Variants in NEMP2 observed in about 807,000 individuals in gnomAD.
NEMP2 encodes UPF0571 transmembrane protein.
In NEMP2, 53 loss-of-function variants were observed where a neutral mutation model predicts 54.2. That is an observed-to-expected ratio of 0.98 (90% CI 0.78 to 1.23). The LOEUF (loss-of-function observed/expected upper bound fraction) is 1.23, where lower values mean the gene tolerates loss of function less well. NEMP2 is among the 50% of genes most tolerant of loss of function. NEMP2 has a pLI of 0.00. For synonymous variants in NEMP2, 197 were observed against 190.3 expected, an observed-to-expected ratio of 1.04 and a Z score of -0.29; for missense variants, 455 against 511.3, an observed-to-expected ratio of 0.89 and a Z score of 1.06.
chr2:190,602,362 C>A, the NEMP2 span, among the ~76,000 whole-genome samples: 3 of 152,198 alleles, frequency 2.0e-5, 1 homozygote, highest in East Asian at 5.8e-4. Context: ...GAGGAGAATT[C>A]CTTCTTCTTT....
the NEMP2 span, among the ~76,000 whole-genome samples, chr2:190,430,153 A>C: frequency 1.1e-4 from 17 of 150,960 alleles, no homozygotes; most frequent in East Asian, 2.9e-3. Context: ...AGCTTCATCC[A>C]TGTCCCTGCA....
chr2:190,583,289 T>C, the NEMP2 span, among the ~76,000 whole-genome samples: 1 of 151,938 alleles, frequency 6.6e-6, no homozygotes, highest in African/African-American at 2.4e-5. Context: ...TTAGGGAAGA[T>C]TGTTCTTTCA....
chr2:190,484,884 T>C, the NEMP2 span, among the ~76,000 whole-genome samples: 1 of 152,138 alleles, frequency 6.6e-6, no homozygotes, highest in African/African-American at 2.4e-5. Context: ...ACAAGCAGAG[T>C]GGCTTTCATT....
the NEMP2 span, among the ~76,000 whole-genome samples, chr2:190,478,366 G>A: frequency 5.9e-5 from 9 of 152,086 alleles, no homozygotes; most frequent in Non-Finnish European, 1.3e-4. Flanking sequence ...TGAGTGCTGA[G>A]TATTTTGACT....
At chr2:190,443,626 T>C in the NEMP2 span, among the ~76,000 whole-genome samples, 2 of 152,232 alleles carry the variant, frequency 1.3e-5, no homozygotes, top group Non-Finnish European at 2.9e-5. This position sits in a 1 kb window ranked among gnomAD's most constrained non-coding sequence, Gnocchi z 4.2. Flanking sequence ...CTTAGTCAAA[T>C]TGAAATTTTT....
At chr2:190,438,598 A>G in the NEMP2 span, among the ~76,000 whole-genome samples, 1 of 152,212 alleles carries the variant, frequency 6.6e-6, no homozygotes, top group Admixed American at 6.5e-5. This position sits in a 1 kb window ranked among gnomAD's most constrained non-coding sequence, Gnocchi z 5.2. Flanking sequence ...CTTGCTCTTT[A>G]GAGATCTTTC....
the NEMP2 span, among the ~76,000 whole-genome samples, chr2:190,572,833 G>GCATATATATATA: frequency 2.1e-5 from 1 of 47,862 alleles, no homozygotes; most frequent in Admixed American, 2.6e-4. Flanking sequence ...CTTTTCATGA[G>GCATATATATATA]TATATATATA....
the NEMP2 span, among the ~76,000 whole-genome samples, chr2:190,548,315 A>C: frequency 0.23 from 35,727 of 152,102 alleles, 5,053 homozygotes; most frequent in South Asian, 0.33. Context: ...TTTCAGCAAT[A>C]ATTAAAGCAA....
the NEMP2 span, among the ~76,000 whole-genome samples, chr2:190,478,328 A>G: frequency 1.3e-5 from 2 of 152,114 alleles, no homozygotes; most frequent in African/African-American, 4.8e-5. Flanking sequence ...CTAATGCTGG[A>G]GGAGATGGTT....
At chr2:190,593,878 A>G in the NEMP2 span, among the ~76,000 whole-genome samples, 3 of 152,316 alleles carry the variant, frequency 2.0e-5, no homozygotes, top group South Asian at 6.2e-4. The surrounding 1 kb of genome is among the most constrained non-coding windows in gnomAD (Gnocchi z 4.5). Flanking sequence ...CAGCTTCCCA[A>G]CTGGCATCCT....
chr2:190,461,884 T>A, the NEMP2 span, among the ~76,000 whole-genome samples: 1 of 152,180 alleles, frequency 6.6e-6, no homozygotes, highest in South Asian at 2.1e-4. This position sits in a 1 kb window ranked among gnomAD's most constrained non-coding sequence, Gnocchi z 5.5. Context: ...TAATATACTT[T>A]CAGAACAATC....
At chr2:190,590,711 T>A in the NEMP2 span, among the ~76,000 whole-genome samples, 11 of 152,304 alleles carry the variant, frequency 7.2e-5, no homozygotes, top group Non-Finnish European at 1.5e-4. The surrounding 1 kb of genome is among the most constrained non-coding windows in gnomAD (Gnocchi z 5.1). Flanking sequence ...TTCCTGGGCA[T>A]GATGTTTTTA....
chr2:190,428,347 A>C, the NEMP2 span, among the ~76,000 whole-genome samples: 1 of 152,192 alleles, frequency 6.6e-6, no homozygotes, highest in Non-Finnish European at 1.5e-5. Context: ...TGGTTGTCAT[A>C]GGGTCTTACA....
intron 1 of NEMP2, chr2:190,534,102 C>A: frequency 1.0e-6 from 1 of 987,156 alleles, no homozygotes. Context: ...GAAGCTGAAG[C>A]TGTTACCTTC....
the NEMP2 span, among the ~76,000 whole-genome samples, chr2:190,428,098 T>C: frequency 6.6e-6 from 1 of 152,228 alleles, no homozygotes; most frequent in Non-Finnish European, 1.5e-5. Flanking sequence ...AGTGGAATCA[T>C]GTGTTCAGTG....
the NEMP2 span, among the ~76,000 whole-genome samples, chr2:190,432,515 C>G: frequency 6.6e-6 from 1 of 152,144 alleles, no homozygotes; most frequent in South Asian, 2.1e-4. Context: ...CTCCTGGGTT[C>G]AAGTGATTCT....
the NEMP2 span, among the ~76,000 whole-genome samples, chr2:190,549,104 C>A: frequency 9.8e-4 from 149 of 152,304 alleles, 2 homozygotes; most frequent in African/African-American, 3.4e-3. Context: ...TATGTAGTTT[C>A]CCACAGCTGA....
the NEMP2 span, among the ~76,000 whole-genome samples, chr2:190,476,254 A>G: frequency 6.6e-6 from 1 of 152,222 alleles, no homozygotes; most frequent in Non-Finnish European, 1.5e-5. Flanking sequence ...AGAAACTACC[A>G]TCAGAGTGAA....
chr2:190,437,366 A>G, the NEMP2 span: 3 of 1,614,248 alleles, frequency 1.9e-6, no homozygotes, highest in East Asian at 2.2e-5. The surrounding 1 kb of genome is among the most constrained non-coding windows in gnomAD (Gnocchi z 5.9). Context: ...TGCAGCGTGC[A>G]GTATGGCTCA....
Sources: gnomAD v4.1 joint callset for allele counts (sites outside exome capture counted in the v4.1 genomes callset) on GRCh38, gnomAD v4.1.1 for gene constraint, Gnocchi (gnomAD v3.1) non-coding constraint, MANE v1.5 for transcripts, NCBI Gene and HGNC (gene_info 2026-07-23, HGNC 2026-07-21) for gene names.